The following CGNL1 variants were observed in gnomAD, a reference collection of about 807,000 sequenced individuals.
CGNL1 encodes the protein cingulin like 1.
CGNL1 carries 132 observed loss-of-function variants against 141.2 expected under a neutral mutation model. The ratio of observed to expected loss-of-function variants is 0.93; its 90% CI spans 0.81 to 1.08. CGNL1 has a LOEUF of 1.08. Ranked by LOEUF, CGNL1 falls within the 50% of genes least tolerant of loss-of-function variation. The pLI is 0.00. For synonymous variants in CGNL1, 690 were observed against 622.1 expected (o/e 1.11, Z -1.63); for missense variants, 1,870 against 1,588.6 (o/e 1.18, Z -3.01).
intron 9 of CGNL1, among the ~76,000 whole-genome samples, 159 bp from the exon 10 acceptor site, chr15:57,518,234 C>T (rs752685669): frequency 2.6e-5 from 4 of 152,212 alleles, no homozygotes; most frequent in Non-Finnish European, 5.9e-5. Flanking sequence ...CATCCAAGAA[C>T]ACGGCTGTTG....
intron 12 of CGNL1, among the ~76,000 whole-genome samples, chr15:57,528,109 T>C (rs2031727873): frequency 6.6e-6 from 1 of 151,986 alleles, no homozygotes; most frequent in Non-Finnish European, 1.5e-5. Flanking sequence ...ATACAAAAAT[T>C]AGCTCAGTGT....
At chr15:57,467,868 T>G (rs1567136714) in intron 8 of CGNL1, among the ~76,000 whole-genome samples, 1 of 152,004 alleles carries the variant, frequency 6.6e-6, no homozygotes, top group Non-Finnish European at 1.5e-5. Flanking sequence ...TTTTACGTTT[T>G]TAGTAGAGAT....
Position 57,439,586 on chromosome 15 carries a change from G to A in CGNL1, c.1587G>A (p.Ser529=). The A allele has an allele frequency of 1.2e-6, 2 of 1,613,174 alleles. No individual in the cohort carries two copies. The highest frequency in any genetic ancestry group is 1.1e-5 in the South Asian group (1 of 91,010). Residue 529 remains serine, a synonymous_variant, in exon 2 of 19, where the codon TCG becomes TCA. Transcript: ENST00000281282. The part of the protein sequence containing the change: ...AKKISVKTFP[S]ASNTQATPDL... ...AAATTTCCGTGAAGACATTTCCTTC[G>A]GCCTCAAATACTCAGGTAACACTAG... is the stretch of plus-strand genomic sequence containing the variant.
chr15:57,487,329 C>G (rs1375396413), intron 8 of CGNL1, among the ~76,000 whole-genome samples: 1 of 151,480 alleles, frequency 6.6e-6, no homozygotes, highest in Non-Finnish European at 1.5e-5. Context: ...CTTATTTTGA[C>G]TTCAGCCAAC....
chr15:57,479,011 G>T (rs2063691078), intron 8 of CGNL1, among the ~76,000 whole-genome samples: 1 of 152,154 alleles, frequency 6.6e-6, no homozygotes, highest in Non-Finnish European at 1.5e-5. Flanking sequence ...CTGATTAATT[G>T]TCCATCAATA....
chr15:57,439,452 C>T lies in CGNL1; in HGVS notation c.1453C>T (p.Pro485Ser), dbSNP rs1361304054. 2.5e-6 allele frequency: 4 copies of T among 1,614,042 alleles called. No individual in the cohort carries two copies. The highest frequency in any genetic ancestry group is 3.4e-6 in the Non-Finnish European group (4 of 1,180,034). Residue 485 changes from proline to serine, a missense_variant, in exon 2 of 19, where the codon CCC becomes TCC. Physicochemically the swap from Pro to Ser is moderately conservative, Grantham distance 74 (BLOSUM62 -1). Coordinates refer to ENST00000281282, the MANE Select transcript of CGNL1 (RefSeq NM_032866.5). Reference protein sequence around the residue: ...GSQESTVIRAPSLGAQSKKEE... With the variant: ...GSQESTVIRASSLGAQSKKEE... ...TCAGGAAAGTACAGTGATCCGTGCG[C>T]CCTCCCTTGGTGCACAGAGTAAAAA...
intron 1 of CGNL1, among the ~76,000 whole-genome samples, chr15:57,412,856 C>T (rs1367807112): frequency 6.6e-6 from 1 of 152,064 alleles, no homozygotes. Flanking sequence ...CTCTTAGTAT[C>T]TCAGTTTCTT....
chr15:57,520,669 G>T (rs2031190710), intron 10 of CGNL1, among the ~76,000 whole-genome samples: 1 of 152,178 alleles, frequency 6.6e-6, no homozygotes, highest in South Asian at 2.1e-4. Flanking sequence ...CTTTGCTGGA[G>T]AAACCACAGT....
At chr15:57,525,463 T>G (rs1336816196) in intron 12 of CGNL1, among the ~76,000 whole-genome samples, 1 of 152,232 alleles carries the variant, frequency 6.6e-6, no homozygotes, top group African/African-American at 2.4e-5. Flanking sequence ...TTAACCCCAG[T>G]TTTCTGAGCA....
chr15:57,519,233 C>G (rs1271019337), intron 10 of CGNL1, among the ~76,000 whole-genome samples: 1 of 152,138 alleles, frequency 6.6e-6, no homozygotes, highest in Non-Finnish European at 1.5e-5. Flanking sequence ...GCTTAAGTAT[C>G]TCAGGTGAGT....
rs190461730 is a variant in CGNL1 at position 57,469,368 on chromosome 15, C to G, written c.2403+7476C>G. On this transcript the variant is annotated intron_variant, in intron 8 of 18. Coordinates refer to ENST00000281282, the MANE Select transcript of CGNL1 (RefSeq NM_032866.5). ...TGAGGAGCAGGGCTGCCCTATCCAT[C>G]TGGGAGTCGTTGGACGGAGTGTGAG... 7.3e-5 allele frequency among the ~76,000 whole-genome samples: 11 copies of G among 150,482 alleles called. No homozygotes were observed. The East Asian group carries it at 2.2e-3, about 29-fold the overall frequency.
intron 1 of CGNL1, among the ~76,000 whole-genome samples, chr15:57,415,606 A>T (rs2062839548): frequency 6.6e-6 from 1 of 152,236 alleles, no homozygotes; most frequent in South Asian, 2.1e-4. Flanking sequence ...AAAGTCTTCC[A>T]GATTCTACCC....
intron 3 of CGNL1, among the ~76,000 whole-genome samples, chr15:57,441,136 A>T (rs1263516748): frequency 6.6e-6 from 1 of 151,654 alleles, no homozygotes; most frequent in Non-Finnish European, 1.5e-5. Flanking sequence ...GCAAATCCTC[A>T]TTGGTATCAA....
intron 1 of CGNL1, among the ~76,000 whole-genome samples, chr15:57,416,882 A>C (rs558112876): frequency 6.6e-6 from 1 of 152,300 alleles, no homozygotes; most frequent in African/African-American, 2.4e-5. Context: ...CTAGGCCCCC[A>C]ACCAACATCT....
intron 8 of CGNL1, among the ~76,000 whole-genome samples, chr15:57,490,622 G>A (rs1174650525): frequency 6.6e-6 from 1 of 152,170 alleles, no homozygotes; most frequent in Non-Finnish European, 1.5e-5. Flanking sequence ...CCTTCTGGAA[G>A]AGTTCCAAAT....
At chr15:57,522,360 C>T (rs1182589030) in intron 10 of CGNL1, among the ~76,000 whole-genome samples, 2 of 152,128 alleles carry the variant, frequency 1.3e-5, no homozygotes, top group Non-Finnish European at 2.9e-5. Context: ...CAGGAGAGTC[C>T]GAAGTGATTT....
At chr15:57,443,661 T>TTTACACCATAGTCCTTGCGTA (rs1208505051) in intron 4 of CGNL1, among the ~76,000 whole-genome samples, 4 of 152,208 alleles carry the variant, frequency 2.6e-5, no homozygotes, top group Non-Finnish European at 5.9e-5. Context: ...CTGGGGAATC[T>TTTACACCATAGTCCTTGCGTA]TTACACCATA....
intron 8 of CGNL1, among the ~76,000 whole-genome samples, chr15:57,508,846 G>A (rs2029964023): frequency 6.6e-6 from 1 of 152,242 alleles, no homozygotes; most frequent in Admixed American, 6.5e-5. Flanking sequence ...CAGACTTCCT[G>A]AGTCAGAATG....
At chr15:57,392,589 T>C (rs1487745968) in intron 1 of CGNL1, among the ~76,000 whole-genome samples, 1 of 152,206 alleles carries the variant, frequency 6.6e-6, no homozygotes, top group Non-Finnish European at 1.5e-5. Flanking sequence ...ACCTTTTCCT[T>C]GAGCTCCCAG....
Sources: gnomAD v4.1 joint callset for allele counts (sites outside exome capture counted in the v4.1 genomes callset) on GRCh38, gnomAD v4.1.1 for gene constraint, MANE v1.5 for transcripts, NCBI Gene and HGNC (gene_info 2026-07-23, HGNC 2026-07-21) for gene names.